Variants in MEGF10 observed in about 807,000 individuals in gnomAD.
MEGF10 encodes the protein multiple epidermal growth factor-like domains protein 10.
A neutral mutation model predicts 147.5 loss-of-function variants in MEGF10; 86 were observed. That is an observed-to-expected ratio of 0.58 (90% CI 0.49 to 0.70). The LOEUF (loss-of-function observed/expected upper bound fraction) is 0.70, where lower values mean the gene tolerates loss of function less well. MEGF10 is among the 30% of genes least tolerant of loss of function. The probability of loss-of-function intolerance (pLI) is 0.00; values close to 1 mark genes in which losing one functional copy is unlikely to be tolerated. For missense variants in MEGF10, 1,329 were observed against 1,487.3 expected (o/e 0.89, Z 1.75); for synonymous variants, 478 against 525.5 (o/e 0.91, Z 1.24).
chr5:127,308,988 C>A lies in MEGF10; in HGVS notation c.-19+17932C>A, dbSNP rs142557451. ...GTTCTGGAGGGATTGCCATCTGTAACGAGATGTAAAATTCTGGGACACTGG... is the reference window on the plus strand; with the variant it reads ...GTTCTGGAGGGATTGCCATCTGTAAAGAGATGTAAAATTCTGGGACACTGG... On this transcript the variant is annotated intron_variant, in intron 1 of 24. Transcript: ENST00000503335. 4.4e-3 allele frequency among the ~76,000 whole-genome samples: 666 copies of A among 152,140 alleles called. 8 individuals are homozygous for A. Among genetic ancestry groups the A allele is most frequent in the African/African-American group, 0.015 (636 of 41,486 alleles).
chr5:127,231,277 C>T, the MEGF10 span, among the ~76,000 whole-genome samples: 4 of 152,254 alleles, frequency 2.6e-5, no homozygotes, highest in African/African-American at 9.6e-5. Flanking sequence ...AACTCCTCAG[C>T]ATGGCTGCTA....
chr5:127,254,649 A>G, the MEGF10 span, among the ~76,000 whole-genome samples: 1 of 151,788 alleles, frequency 6.6e-6, no homozygotes, highest in South Asian at 2.1e-4. Context: ...CGTCTCTACT[A>G]AAAATACAAA....
chr5:127,268,764 A>G, the MEGF10 span, among the ~76,000 whole-genome samples: 1 of 152,228 alleles, frequency 6.6e-6, no homozygotes, highest in African/African-American at 2.4e-5. Flanking sequence ...ACGGAGTTTG[A>G]GATCTGAGAA....
intron 1 of MEGF10, among the ~76,000 whole-genome samples, chr5:127,325,403 G>A (rs2126770868): frequency 6.6e-6 from 1 of 152,178 alleles, no homozygotes; most frequent in South Asian, 2.1e-4. Flanking sequence ...TCCCTCATAT[G>A]TTGTGGGTGA....
intron 5 of MEGF10, among the ~76,000 whole-genome samples, chr5:127,381,418 T>C (rs1763258208): frequency 6.6e-6 from 1 of 152,226 alleles, no homozygotes; most frequent in Non-Finnish European, 1.5e-5. Flanking sequence ...AACATATACA[T>C]GAAACATATA....
At chr5:127,418,067 A>G (rs1257038476) in intron 10 of MEGF10, among the ~76,000 whole-genome samples, 1 of 152,242 alleles carries the variant, frequency 6.6e-6, no homozygotes, top group Non-Finnish European at 1.5e-5. Context: ...AAAGCATATT[A>G]TAATTATTCC....
intron 6 of MEGF10, 115 bp downstream of exon 6, chr5:127,396,893 G>A: frequency 6.8e-7 from 1 of 1,461,370 alleles, no homozygotes; most frequent in Non-Finnish European, 9.3e-7. Context: ...AAGAGTTACT[G>A]ATGGGTCTAG....
the MEGF10 span, among the ~76,000 whole-genome samples, chr5:127,268,235 A>C: frequency 6.6e-6 from 1 of 152,150 alleles, no homozygotes; most frequent in Admixed American, 6.5e-5. Context: ...GTTTTGAGTG[A>C]GTTTCTTAAT....
At position 127,294,992 on chromosome 5, in the gene MEGF10, G is replaced by A. The variant is rs779025340; in HGVS notation, c.-19+3936G>A. ...TTAGGATGGTTTTGGTTTGGTTTTT[G>A]GAATGACGTGTCAGAGCACTGGAAA... On this transcript the variant is annotated intron_variant, in intron 1 of 24. Transcript: ENST00000503335. 1.3e-3 allele frequency among the ~76,000 whole-genome samples: 205 copies of A among 152,086 alleles called. 1 individual carries two copies. The highest frequency in any genetic ancestry group is 2.5e-3 in the Non-Finnish European group (170 of 67,976).
At chr5:127,246,386 T>A in the MEGF10 span, among the ~76,000 whole-genome samples, 1 of 151,970 alleles carries the variant, frequency 6.6e-6, no homozygotes, top group Non-Finnish European at 1.5e-5. Context: ...TTCTCACTCA[T>A]AAGTGGGAGT....
chr5:127,250,114 A>G, the MEGF10 span, among the ~76,000 whole-genome samples: 1 of 152,038 alleles, frequency 6.6e-6, no homozygotes, highest in Non-Finnish European at 1.5e-5. Context: ...GCAAATATAT[A>G]CCATACAAAT....
At chr5:127,324,858 C>A (rs578231375) in intron 1 of MEGF10, among the ~76,000 whole-genome samples, 2 of 152,324 alleles carry the variant, frequency 1.3e-5, no homozygotes, top group South Asian at 4.1e-4. Context: ...TGCTCTCCAC[C>A]CTCAAGGCTT....
chr5:127,264,447 G>T, the MEGF10 span, among the ~76,000 whole-genome samples: 1 of 152,152 alleles, frequency 6.6e-6, no homozygotes, highest in African/African-American at 2.4e-5. Context: ...ATTAGCTGAA[G>T]AAAAGTGAGG....
In MEGF10 at chr5:127,430,989, T is replaced by G. The variant is rs556750434; in HGVS notation, c.1694-2374T>G. ...AAGTAAGCTTGGGTCTGTTGAAAGA[T>G]GCTTATATGATTGGACACAGAAGGT... On this transcript the variant is annotated intron_variant, in intron 13 of 24. Coordinates refer to ENST00000503335, the MANE Select transcript of MEGF10 (RefSeq NM_001256545.2). Among the ~76,000 whole-genome samples, 16 of 152,354 alleles carry G rather than the reference T, an allele frequency of 1.1e-4. No homozygotes were observed. In the East Asian group the frequency reaches 3.1e-3, roughly 29 times the overall value.
At chr5:127,258,930 A>G in the MEGF10 span, among the ~76,000 whole-genome samples, 2 of 152,200 alleles carry the variant, frequency 1.3e-5, no homozygotes, top group African/African-American at 4.8e-5. Context: ...ACAGACTGAG[A>G]CACCTAGTTA....
intron 5 of MEGF10, among the ~76,000 whole-genome samples, chr5:127,384,984 G>T (rs1207919811): frequency 2.0e-5 from 3 of 152,180 alleles, no homozygotes; most frequent in Non-Finnish European, 4.4e-5. Flanking sequence ...AGACCCTCAG[G>T]GAACTGAGGC....
intron 5 of MEGF10, 70 bp downstream of exon 5, chr5:127,370,072 C>T (rs968587043): frequency 4.2e-6 from 5 of 1,177,198 alleles, no homozygotes; most frequent in Non-Finnish European, 6.3e-6. Context: ...CTGCAGATGA[C>T]CCTGAGCCAT....
Position 127,339,185 on chromosome 5 carries a change from C to T in MEGF10, c.182C>T (p.Thr61Ile). 6.2e-7 allele frequency: 1 copy of T among 1,612,664 alleles called. No individual in the cohort carries two copies. The highest frequency in any genetic ancestry group is 8.5e-7 in the Non-Finnish European group (1 of 1,178,950). The change falls in exon 3 of 25, where the codon ACT becomes ATT. Residue 61 changes from threonine (T) to isoleucine (I), a missense_variant. Physicochemically the swap from Thr to Ile is moderately conservative, Grantham distance 89 (BLOSUM62 -1). Around this residue, in one of 3 missense-constraint regions of MEGF10, gnomAD observed 980 missense variants for 1,085.9 expected, o/e 0.90. Coordinates refer to ENST00000503335, the MANE Select transcript of MEGF10 (RefSeq NM_001256545.2). The stretch of plus-strand genomic sequence containing the variant: ...GATCAAATTTACTACACGAGCTGCA[C>T]TGACATTCTAAACTGGTTTAAATGC... Reference protein sequence around the residue: ...PFDQIYYTSCTDILNWFKCTR... With the variant: ...PFDQIYYTSCIDILNWFKCTR...
In MEGF10 at chr5:127,460,429, G is replaced by A. The variant is rs1194111949; in HGVS notation, c.*3111G>A. The A allele has an allele frequency of 1.3e-5, 2 of 152,100 alleles. No homozygotes were observed. The highest frequency in any genetic ancestry group is 2.4e-5 in the African/African-American group (1 of 41,418). The allele number at this position is 152,100 out of a possible 1,614,324, so 9.4% of individuals were successfully genotyped here. On this transcript the variant is annotated 3_prime_UTR_variant, in exon 25 of 25. Coordinates refer to ENST00000503335, the MANE Select transcript of MEGF10 (RefSeq NM_001256545.2). The stretch of plus-strand genomic sequence containing the variant: ...GTTAACAGAGAGTTTAATATGTTTA[G>A]CATTATCTTTATGGAATTTATATTC...
Sources: allele counts gnomAD v4.1 joint callset (sites outside exome capture counted in the v4.1 genomes callset), GRCh38; gene constraint gnomAD v4.1.1; regional missense constraint gnomAD v4.1.1; transcripts MANE v1.5; gene names NCBI Gene and HGNC (gene_info 2026-07-23, HGNC 2026-07-21).